FAM20C: variants seen among roughly 807,000 people sequenced by gnomAD.
FAM20C encodes the protein FAM20C golgi associated secretory pathway kinase, also known as extracellular serine/threonine protein kinase FAM20C.
Under a neutral mutation model 51.5 loss-of-function variants are expected in FAM20C, and 40 were observed. That is an observed-to-expected ratio of 0.78 (90% CI 0.60 to 1.01). FAM20C has a LOEUF of 1.01. Ranked by LOEUF, FAM20C falls within the 50% of genes least tolerant of loss-of-function variation. FAM20C has a pLI of 0.00. For synonymous variants in FAM20C, 406 were observed against 380.6 expected, an observed-to-expected ratio of 1.07 and a Z score of -0.78; for missense variants, 861 against 844.7, an observed-to-expected ratio of 1.02 and a Z score of -0.24.
At chr7:230,917 C>A (rs1312512272) in intron 3 of FAM20C, among the ~76,000 whole-genome samples, 1 of 152,172 alleles carries the variant, frequency 6.6e-6, no homozygotes, top group Non-Finnish European at 1.5e-5. Context: ...ATCAACCTGG[C>A]TTCAGTGTGG....
intron 4 of FAM20C, 32 bp from the exon 5 acceptor site, chr7:248,283 G>C: frequency 6.7e-7 from 1 of 1,490,888 alleles, no homozygotes; most frequent in South Asian, 1.2e-5. Context: ...GCCGCACAGA[G>C]CACAGACCAT....
intron 3 of FAM20C, chr7:229,183 G>C (rs942498868): frequency 1.1e-5 from 3 of 267,536 alleles, no homozygotes; most frequent in Non-Finnish European, 2.2e-5. Flanking sequence ...GAAATAGGCG[G>C]ATTGTCTGGG....
chr7:257,769 G>A (rs995783120), intron 8 of FAM20C, among the ~76,000 whole-genome samples: 76 of 146,174 alleles, frequency 5.2e-4, no homozygotes, highest in African/African-American at 1.9e-3. Context: ...TGGGCAGGGT[G>A]GACCCACTGC....
At chr7:230,131 C>A (rs1230736197) in intron 3 of FAM20C, among the ~76,000 whole-genome samples, 2 of 152,008 alleles carry the variant, frequency 1.3e-5, no homozygotes, top group African/African-American at 4.8e-5. Flanking sequence ...TTAAAGACTT[C>A]GAGATGAGGA....
At chr7:213,947 T>C (rs757279065) in intron 3 of FAM20C, among the ~76,000 whole-genome samples, 6 of 152,360 alleles carry the variant, frequency 3.9e-5, no homozygotes, top group Non-Finnish European at 7.3e-5. Flanking sequence ...GCACGGGCCA[T>C]TGACGTGTCT....
At chr7:219,576 C>T (rs1169588168) in intron 3 of FAM20C, among the ~76,000 whole-genome samples, 1 of 152,198 alleles carries the variant, frequency 6.6e-6, no homozygotes, top group African/African-American at 2.4e-5. Flanking sequence ...GCAGACCCCT[C>T]CTGGGGCCTT....
chr7:224,175 A>C lies in FAM20C; in HGVS notation c.863+15199A>C, dbSNP rs1195928771. The stretch of plus-strand genomic sequence containing the variant: ...CTGTCCCCTGAGCATTCTCTCACGG[A>C]GCAGAACGGCACCGTCACGGGGTCG... On this transcript the variant is annotated intron_variant, in intron 3 of 9. Transcript: ENST00000313766. Among the ~76,000 whole-genome samples the C allele has an allele frequency of 4.0e-4, 52 of 130,638 alleles. 1 individual carries two copies. The highest frequency in any genetic ancestry group is 4.5e-3 in the Middle Eastern group (1 of 222). 85.7% of individuals were successfully genotyped at this position (130,638 alleles called of 152,430 possible). A position where few individuals can be genotyped will look rare whatever the true frequency, so the allele number is the denominator to read the frequency against.
rs1044104266 is a variant in FAM20C at position 237,495 on chromosome 7, A to G, written c.864-8920A>G. 3.9e-3 allele frequency among the ~76,000 whole-genome samples: 588 copies of G among 152,054 alleles called. 2 individuals are homozygous for G. Among genetic ancestry groups the G allele is most frequent in the African/African-American group, 0.013 (552 of 41,476 alleles). On this transcript the variant is annotated intron_variant, in intron 3 of 9. Coordinates refer to ENST00000313766, the MANE Select transcript of FAM20C (RefSeq NM_020223.4). ...GTGATGATAGTGATGGTGATGATGG[A>G]GATAATGGTGATGGTGATGATGATA...
At chr7:242,461 T>G (rs1158669689) in intron 3 of FAM20C, among the ~76,000 whole-genome samples, 49 of 103,768 alleles carry the variant, frequency 4.7e-4, no homozygotes, top group South Asian at 1.1e-3. Flanking sequence ...AGGAGGAGGG[T>G]GGGAAGGGAG....
chr7:193,060 C>A lies in FAM20C; in HGVS notation c.-140C>A. On this transcript the variant is annotated 5_prime_UTR_variant, in exon 1 of 10. Coordinates refer to ENST00000313766, the MANE Select transcript of FAM20C (RefSeq NM_020223.4). ...GCGGGCGCCCTGCACGCGGCCCGGGCCCGGGGACAGCCCCGGAGCTGGTAG... is the reference window on the plus strand; with the variant it reads ...GCGGGCGCCCTGCACGCGGCCCGGGACCGGGGACAGCCCCGGAGCTGGTAG... 3 of 604,866 alleles carry A rather than the reference C, an allele frequency of 5.0e-6. No homozygotes were observed. The highest frequency in any genetic ancestry group is 6.7e-6 in the Non-Finnish European group (3 of 445,658). The allele number at this position is 604,866 out of a possible 1,614,324, so 37.5% of individuals were successfully genotyped here.
chr7:236,094 G>C (rs1787839257), intron 3 of FAM20C, among the ~76,000 whole-genome samples: 1 of 152,168 alleles, frequency 6.6e-6, no homozygotes, highest in East Asian at 1.9e-4. Flanking sequence ...CTTCGGCCGA[G>C]TTCGTCCCCT....
intron 1 of FAM20C, chr7:194,044 C>A: frequency 1.9e-6 from 1 of 532,958 alleles, no homozygotes; most frequent in Non-Finnish European, 3.0e-6. Context: ...GTGAGGAAGC[C>A]AGACCCCGCG....
chr7:216,481 C>T (rs1183738450), intron 3 of FAM20C, among the ~76,000 whole-genome samples: 1 of 151,564 alleles, frequency 6.6e-6, no homozygotes, highest in Non-Finnish European at 1.5e-5. Flanking sequence ...GTGGTAGATT[C>T]CCAGCCTGTG....
At chr7:218,332 C>G (rs1787098617) in intron 3 of FAM20C, among the ~76,000 whole-genome samples, 1 of 152,232 alleles carries the variant, frequency 6.6e-6, no homozygotes, top group South Asian at 2.1e-4. Flanking sequence ...CCGGTGCTCC[C>G]GTCCTGGAGG....
At chr7:256,955 A>C (rs1256793814) in intron 7 of FAM20C, 50 bp from the exon 8 acceptor site, 1 of 1,526,960 alleles carries the variant, frequency 6.5e-7, no homozygotes, top group African/African-American at 1.4e-5. Flanking sequence ...CCTCTGAGCT[A>C]CGTGGCCCGG....
chr7:256,302 GC>G (rs1788587597), intron 6 of FAM20C: 2 of 585,524 alleles, frequency 3.4e-6, no homozygotes, highest in Admixed American at 6.2e-5. Context: ...CTCTGCTCTC[GC>G]CCCGTCCCTC....
chr7:227,163 G>A (rs572440794), intron 3 of FAM20C, among the ~76,000 whole-genome samples: 69 of 151,978 alleles, frequency 4.5e-4, no homozygotes, highest in Non-Finnish European at 9.0e-4. Context: ...CGGCAATATC[G>A]AGGGTCTTTT....
At chr7:214,541 T>C (rs779287438) in intron 3 of FAM20C, among the ~76,000 whole-genome samples, 2 of 152,166 alleles carry the variant, frequency 1.3e-5, no homozygotes, top group Non-Finnish European at 2.9e-5. Context: ...AGCGGAACGG[T>C]GCGGCTTTAG....
chr7:211,242 C>G (rs1395026191), intron 3 of FAM20C, among the ~76,000 whole-genome samples: 1 of 150,166 alleles, frequency 6.7e-6, no homozygotes, highest in Non-Finnish European at 1.5e-5. Flanking sequence ...CATGCCTTCC[C>G]TGGACCTCCC....
Sources: gnomAD v4.1 joint callset for allele counts (sites outside exome capture counted in the v4.1 genomes callset) on GRCh38, gnomAD v4.1.1 for gene constraint, MANE v1.5 for transcripts, NCBI Gene and HGNC (gene_info 2026-07-23, HGNC 2026-07-21) for gene names.